CREG2: variants seen among roughly 807,000 people sequenced by gnomAD.
CREG2 encodes the protein protein CREG2.
A neutral mutation model predicts 26.2 loss-of-function variants in CREG2; 24 were observed. The observed-to-expected ratio is 0.92, with a 90% CI of 0.66 to 1.29. CREG2 has a LOEUF of 1.29. CREG2 is among the 50% of genes most tolerant of loss of function. The pLI is 0.00. For missense variants in CREG2, 366 were observed against 398.6 expected (o/e 0.92, Z 0.70); for synonymous variants, 174 against 169.2 (o/e 1.03, Z -0.22).
At chr2:101,379,182 G>T (rs553793145) in intron 2 of CREG2, among the ~76,000 whole-genome samples, 4 of 152,082 alleles carry the variant, frequency 2.6e-5, no homozygotes, top group Non-Finnish European at 5.9e-5. Flanking sequence ...GGACAACTGC[G>T]TCCCATTAAA....
chr2:101,386,947 C>G (rs956893333), intron 1 of CREG2, 70 bp downstream of exon 1: 2 of 1,223,066 alleles, frequency 1.6e-6, no homozygotes, highest in Non-Finnish European at 2.0e-6. Context: ...GTCGCGAGCA[C>G]GTCCCTGTCC....
At chr2:101,386,575 C>G (rs1036170186) in intron 1 of CREG2, among the ~76,000 whole-genome samples, 1 of 152,214 alleles carries the variant, frequency 6.6e-6, no homozygotes, top group South Asian at 2.1e-4. Flanking sequence ...TCTCTCTCTC[C>G]CCATCCCTGC....
intron 2 of CREG2, among the ~76,000 whole-genome samples, chr2:101,381,065 C>T (rs887990840): frequency 9.6e-4 from 146 of 152,248 alleles, no homozygotes; most frequent in African/African-American, 3.3e-3. Context: ...TCGTTATCAT[C>T]GTAAGACATG....
At chr2:101,373,503 A>C (rs1684743393) in intron 2 of CREG2, among the ~76,000 whole-genome samples, 2 of 152,196 alleles carry the variant, frequency 1.3e-5, no homozygotes, top group Non-Finnish European at 2.9e-5. Context: ...TTTTTGGTGG[A>C]TGTATATTTA....
chr2:101,355,470 A>G (rs1684442969), intron 2 of CREG2, 104 bp from the exon 3 acceptor site: 3 of 702,062 alleles, frequency 4.3e-6, no homozygotes, highest in African/African-American at 1.8e-5. Flanking sequence ...ATTCCTGGTT[A>G]TATCATTCAG....
At chr2:101,362,578 A>C (rs1051764884) in intron 2 of CREG2, among the ~76,000 whole-genome samples, 1 of 152,116 alleles carries the variant, frequency 6.6e-6, no homozygotes, top group Non-Finnish European at 1.5e-5. Context: ...TCATAAAGGC[A>C]ATAAAGAAGC....
chr2:101,366,499 A>G (rs1684619751), intron 2 of CREG2, among the ~76,000 whole-genome samples: 1 of 127,662 alleles, frequency 7.8e-6, no homozygotes, highest in African/African-American at 2.5e-5. Context: ...AATATTTAGG[A>G]AAAAAAAAGC....
In CREG2 at chr2:101,350,765, G is replaced by C; in HGVS notation, c.*158C>G. On this transcript the variant is annotated 3_prime_UTR_variant, in exon 4 of 4. Transcript: ENST00000324768. ...AATGACCACTTTAATCTCAAATCTA[G>C]CATAGAGTTCCCTGTTCACCCTCTC... 1 of 706,194 alleles carries C rather than the reference G, an allele frequency of 1.4e-6. No homozygotes were observed. The highest frequency in any genetic ancestry group is 2.4e-6 in the Non-Finnish European group (1 of 414,614). 43.7% of individuals were successfully genotyped at this position (706,194 alleles called of 1,614,324 possible).
chr2:101,373,111 T>C (rs939571233), intron 2 of CREG2, among the ~76,000 whole-genome samples: 1 of 152,210 alleles, frequency 6.6e-6, no homozygotes, highest in African/African-American at 2.4e-5. Context: ...CCTAGGTATA[T>C]ACCAAAGTGA....
At chr2:101,351,726 G>A (rs969757855) in intron 3 of CREG2, among the ~76,000 whole-genome samples, 17 of 152,060 alleles carry the variant, frequency 1.1e-4, no homozygotes, top group African/African-American at 3.6e-4. Context: ...CTGCAGTATC[G>A]TTGAGGGCAG....
intron 1 of CREG2, among the ~76,000 whole-genome samples, chr2:101,384,249 T>A (rs1250245909): frequency 1.3e-5 from 2 of 152,252 alleles, no homozygotes; most frequent in Non-Finnish European, 2.9e-5. Context: ...CTGCATTTTT[T>A]ATTGTAATCA....
chr2:101,374,436 C>T (rs189425778), intron 2 of CREG2, among the ~76,000 whole-genome samples: 1 of 152,288 alleles, frequency 6.6e-6, no homozygotes, highest in Non-Finnish European at 1.5e-5. Context: ...CAGGAAGGTG[C>T]AGCAAAGAAG....
intron 2 of CREG2, among the ~76,000 whole-genome samples, chr2:101,364,803 C>T (rs757338686): frequency 2.6e-5 from 4 of 151,750 alleles, no homozygotes; most frequent in South Asian, 4.2e-4. Flanking sequence ...AGGCAGGAGG[C>T]AAGAGGGTCA....
intron 2 of CREG2, among the ~76,000 whole-genome samples, chr2:101,359,670 T>C (rs1480753305): frequency 1.3e-5 from 2 of 152,242 alleles, no homozygotes; most frequent in Non-Finnish European, 2.9e-5. Context: ...TGCTCATGTC[T>C]GACTAGCTAC....
At chr2:101,381,731 T>G (rs934839142) in intron 2 of CREG2, among the ~76,000 whole-genome samples, 2 of 152,234 alleles carry the variant, frequency 1.3e-5, no homozygotes, top group Admixed American at 6.5e-5. Flanking sequence ...TATGCTGAGA[T>G]GCTCTTGCCC....
rs1449000133 is a variant in CREG2 at position 101,349,230 on chromosome 2, A to G, written c.*1693T>C. Reference sequence around the variant, plus strand: ...TAAATTGGGAGTAGCAATAATTTTAAACTCTGAAAATATAAAATTCCCTCA... The same window carrying G: ...TAAATTGGGAGTAGCAATAATTTTAGACTCTGAAAATATAAAATTCCCTCA... On this transcript the variant is annotated 3_prime_UTR_variant, in exon 4 of 4. Coordinates refer to ENST00000324768, the MANE Select transcript of CREG2 (RefSeq NM_153836.4). 2 of 152,574 alleles carry G rather than the reference A, an allele frequency of 1.3e-5. No individual in the cohort carries two copies. Among genetic ancestry groups the G allele is most frequent in the African/African-American group, 4.8e-5 (2 of 41,436 alleles). The allele number at this position is 152,574 out of a possible 1,614,324, so 9.5% of individuals were successfully genotyped here.
chr2:101,358,637 A>G (rs2104472336), intron 2 of CREG2, among the ~76,000 whole-genome samples: 1 of 152,386 alleles, frequency 6.6e-6, no homozygotes, highest in South Asian at 2.1e-4. Context: ...TGACAAAGAT[A>G]TAAGTAAAAC....
chr2:101,362,545 A>AAC (rs747044400), intron 2 of CREG2, among the ~76,000 whole-genome samples: 1 of 152,146 alleles, frequency 6.6e-6, no homozygotes, highest in Non-Finnish European at 1.5e-5. Context: ...TAGATGTGTT[A>AAC]ATAGCAATCA....
In CREG2 at chr2:101,349,338, C is replaced by G. The variant is rs1684343897; in HGVS notation, c.*1585G>C. 6.6e-6 allele frequency: 1 copy of G among 152,564 alleles called. No individual in the cohort carries two copies. The highest frequency in any genetic ancestry group is 1.5e-5 in the Non-Finnish European group (1 of 68,030). The allele number at this position is 152,564 out of a possible 1,614,324, so 9.5% of individuals were successfully genotyped here. A position where few individuals can be genotyped will look rare whatever the true frequency, so the allele number is the denominator to read the frequency against. ...TGGCTTATGACAAATAAAGAATTCT[C>G]TGCATCTTACTATGTTTTTAGCAAT... On this transcript the variant is annotated 3_prime_UTR_variant, in exon 4 of 4. Transcript: ENST00000324768.
Sources: gnomAD v4.1 joint callset for allele counts (sites outside exome capture counted in the v4.1 genomes callset) on GRCh38, gnomAD v4.1.1 for gene constraint, MANE v1.5 for transcripts, NCBI Gene and HGNC (gene_info 2026-07-23, HGNC 2026-07-21) for gene names.